GRIP2: variants seen among roughly 807,000 people sequenced by gnomAD.
The protein encoded by GRIP2 is glutamate receptor-interacting protein 2.
GRIP2 carries 58 observed loss-of-function variants against 108.3 expected under a neutral mutation model. That is an observed-to-expected ratio of 0.54 (90% CI 0.43 to 0.67). The LOEUF (loss-of-function observed/expected upper bound fraction) is 0.67, where lower values mean the gene tolerates loss of function less well. Ranked by LOEUF, GRIP2 falls within the 30% of genes least tolerant of loss-of-function variation. The probability of loss-of-function intolerance (pLI) is 0.00; values close to 1 mark genes in which losing one functional copy is unlikely to be tolerated. For synonymous variants in GRIP2, 586 were observed against 598.2 expected, an observed-to-expected ratio of 0.98 and a Z score of 0.30; for missense variants, 1,278 against 1,430.6, an observed-to-expected ratio of 0.89 and a Z score of 1.72.
chr3:14,569,008 T>C, the GRIP2 span, among the ~76,000 whole-genome samples: 1 of 152,016 alleles, frequency 6.6e-6, no homozygotes, highest in Non-Finnish European at 1.5e-5. Flanking sequence ...CTGGGGAAAA[T>C]GCTGGCCAGG....
At chr3:14,498,874 G>A (rs73817917) in intron 21 of GRIP2, among the ~76,000 whole-genome samples, 13,099 of 152,242 alleles carry the variant, frequency 0.086, 1,157 homozygotes, top group African/African-American at 0.23. Flanking sequence ...GGAACTGTCT[G>A]GCTTATGGAA....
At position 14,524,544 on chromosome 3, in the gene GRIP2, G is replaced by T; in HGVS notation, c.258-6C>A. The T allele has an allele frequency of 6.4e-7, 1 of 1,551,716 alleles. No homozygotes were observed. The highest frequency in any genetic ancestry group is 8.7e-7 in the Non-Finnish European group (1 of 1,147,004). ...CAATGTTCAGCAGATCACTCCTAGA[G>T]CAGGAAGGCCAGGGCACACATGGTA... On this transcript the variant is annotated splice_region_variant and splice_polypyrimidine_tract_variant and intron_variant, in intron 3 of 23. Transcript: ENST00000621039.
intron 1 of GRIP2, among the ~76,000 whole-genome samples, chr3:14,549,245 G>A (rs527784879): frequency 6.6e-6 from 1 of 152,356 alleles, no homozygotes; most frequent in East Asian, 1.9e-4. Flanking sequence ...GTTCAATGCA[G>A]GAATCCTCTC....
At position 14,505,821 on chromosome 3, in the gene GRIP2, T is replaced by C. The variant is rs552857239; in HGVS notation, c.2399-32A>G. 2.7e-6 allele frequency: 4 copies of C among 1,479,408 alleles called. No individual in the cohort carries two copies. The highest frequency in any genetic ancestry group is 1.4e-5 in the South Asian group (1 of 70,700). The allele number at this position is 1,479,408 out of a possible 1,614,324, so 91.6% of individuals were successfully genotyped here. On this transcript the variant is annotated intron_variant, in intron 19 of 23. Coordinates refer to ENST00000621039, the MANE Select transcript of GRIP2 (RefSeq NM_001080423.4). This position sits in a 1 kb window ranked among gnomAD's most constrained non-coding sequence, Gnocchi z 4.2. ...GTGGAGAGAGGGCCTCTGTGTTCCCTGCGGCCTCACCTTGCCCTCCTGCCT... is the reference window on the plus strand; with the variant it reads ...GTGGAGAGAGGGCCTCTGTGTTCCCCGCGGCCTCACCTTGCCCTCCTGCCT...
intron 3 of GRIP2, 79 bp from the exon 4 acceptor site, chr3:14,524,617 G>A: frequency 6.9e-7 from 1 of 1,440,654 alleles, no homozygotes; most frequent in Non-Finnish European, 9.4e-7. Flanking sequence ...ACCCTCCTCT[G>A]GAATCCCTAT....
chr3:14,541,939 C>T (rs756640662), upstream of GRIP2: 1 of 1,347,586 alleles, frequency 7.4e-7, no homozygotes, highest in South Asian at 1.2e-5. Flanking sequence ...CTGGCCTTCA[C>T]CAGGGCACAG....
chr3:14,549,408 G>A (rs1695107989), intron 1 of GRIP2, among the ~76,000 whole-genome samples: 1 of 152,210 alleles, frequency 6.6e-6, no homozygotes, highest in African/African-American at 2.4e-5. Context: ...CCCACACCAT[G>A]GCCTCTGAGC....
the GRIP2 span, among the ~76,000 whole-genome samples, chr3:14,563,574 G>T: frequency 9.2e-5 from 14 of 152,082 alleles, no homozygotes; most frequent in African/African-American, 3.1e-4. Context: ...TTTCCTCTGA[G>T]GATGTGGGAG....
chr3:14,533,076 C>T (rs1054473507), intron 1 of GRIP2, among the ~76,000 whole-genome samples: 1 of 152,250 alleles, frequency 6.6e-6, no homozygotes, highest in African/African-American at 2.4e-5. Flanking sequence ...TCCTCAGCAG[C>T]TCCGCTCATC....
In GRIP2 at chr3:14,522,022, C is replaced by T. The variant is rs1240135833; in HGVS notation, c.567-235G>A. 1 of 523,260 alleles carries T rather than the reference C, an allele frequency of 1.9e-6. No individual in the cohort carries two copies. Among genetic ancestry groups the T allele is most frequent in the East Asian group, 3.4e-5 (1 of 29,808 alleles). 32.4% of individuals were successfully genotyped at this position (523,260 alleles called of 1,614,324 possible). ...TGAAGACAGGATGGGGTGGCTCTGCCGCCTGCCACTCCTCTGGGTGTGCAG... is the reference window on the plus strand; with the variant it reads ...TGAAGACAGGATGGGGTGGCTCTGCTGCCTGCCACTCCTCTGGGTGTGCAG... On this transcript the variant is annotated intron_variant, in intron 6 of 23. Transcript: ENST00000621039. This position sits in a 1 kb window ranked among gnomAD's most constrained non-coding sequence, Gnocchi z 4.3.
chr3:14,500,831 C>T (rs1226268175), intron 21 of GRIP2, among the ~76,000 whole-genome samples: 1 of 152,072 alleles, frequency 6.6e-6, no homozygotes, highest in Non-Finnish European at 1.5e-5. Context: ...TCTGATAAAA[C>T]CCCCACGTTC....
In GRIP2 at chr3:14,505,686, G is replaced by T; in HGVS notation, c.2502C>A (p.Ser834Arg). The change falls in exon 20 of 24, where the codon AGC (serine) becomes AGA (arginine). Residue 834 changes from serine to arginine, a missense_variant. Ser to Arg is a moderately radical substitution (Grantham distance 110, BLOSUM62 -1). Transcript: ENST00000621039. The surrounding 1 kb of genome is among the most constrained non-coding windows in gnomAD (Gnocchi z 4.2). ...TCTCGTCAGCTGGGGTTGGGGTATA[G>T]CTCGTCCTCCGGGGCTCGGTGGGTG... ...SPPPTEPRRT[S>R]YTPTPADESF... The T allele has an allele frequency of 6.2e-7, 1 of 1,604,800 alleles. No individual in the cohort carries two copies. The highest frequency in any genetic ancestry group is 1.1e-5 in the South Asian group (1 of 89,368).
the GRIP2 span, among the ~76,000 whole-genome samples, chr3:14,601,103 C>T: frequency 2.0e-5 from 3 of 152,000 alleles, no homozygotes; most frequent in South Asian, 4.1e-4. Flanking sequence ...AACACACACA[C>T]GAGGCAGGGG....
intron 9 of GRIP2, 58 bp from the exon 10 acceptor site, chr3:14,517,955 A>G: frequency 6.8e-7 from 1 of 1,466,994 alleles, no homozygotes. Context: ...TGAGGGCACT[A>G]TGAAGCCAGG....
chr3:14,502,896 A>G (rs1335050230), intron 21 of GRIP2, among the ~76,000 whole-genome samples: 1 of 152,236 alleles, frequency 6.6e-6, no homozygotes, highest in Non-Finnish European at 1.5e-5. Context: ...AATGACCCCA[A>G]TCAATAATAT....
chr3:14,513,256 C>A (rs1394294160), intron 13 of GRIP2, among the ~76,000 whole-genome samples: 1 of 152,194 alleles, frequency 6.6e-6, no homozygotes, highest in Non-Finnish European at 1.5e-5. Context: ...AACCCAAGTA[C>A]CGCCCCTATA....
the GRIP2 span, chr3:14,574,155 G>A: frequency 1.1e-6 from 1 of 921,580 alleles, no homozygotes; most frequent in East Asian, 2.4e-5. Flanking sequence ...GATGCACACG[G>A]CTAGAATGGT....
rs568768421 is a variant in GRIP2 at position 14,494,752 on chromosome 3, C to T, written c.2970+91G>A. 3 of 1,443,088 alleles carry T rather than the reference C, an allele frequency of 2.1e-6. No homozygotes were observed. In the African/African-American group the frequency reaches 4.3e-5, roughly 21 times the overall value. The allele number at this position is 1,443,088 out of a possible 1,614,324, so 89.4% of individuals were successfully genotyped here. ...TGACTCAGACTTGCATTGTCCTGCC[C>T]TCTTCACAGGCGATAGATGCAGGCT... On this transcript the variant is annotated intron_variant, in intron 23 of 23. Coordinates refer to ENST00000621039, the MANE Select transcript of GRIP2 (RefSeq NM_001080423.4).
At chr3:14,600,277 A>G in the GRIP2 span, among the ~76,000 whole-genome samples, 1 of 152,216 alleles carries the variant, frequency 6.6e-6, no homozygotes, top group Non-Finnish European at 1.5e-5. Context: ...AAGGGAGAAC[A>G]GAACTGGCAT....
Sources: allele counts gnomAD v4.1 joint callset (sites outside exome capture counted in the v4.1 genomes callset), GRCh38; gene constraint gnomAD v4.1.1; non-coding constraint Gnocchi (gnomAD v3.1); transcripts MANE v1.5; gene names NCBI Gene and HGNC (gene_info 2026-07-23, HGNC 2026-07-21).